GHRHR: variants seen among roughly 807,000 people sequenced by gnomAD.
GHRHR encodes the protein growth hormone releasing hormone receptor.
GHRHR carries 40 observed loss-of-function variants against 58.3 expected under a neutral mutation model. The ratio of observed to expected loss-of-function variants is 0.69; its 90% confidence interval spans 0.53 to 0.89. GHRHR has a LOEUF of 0.89. GHRHR is among the 40% of genes least tolerant of loss of function. GHRHR has a pLI of 0.00. For synonymous variants in GHRHR, 249 were observed against 216.6 expected, an observed-to-expected ratio of 1.15 and a Z score of -1.31; for missense variants, 551 against 541.3, an observed-to-expected ratio of 1.02 and a Z score of -0.18.
chr7:30,971,248 T>A, intron 5 of GHRHR, 32 bp downstream of exon 5: 1 of 933,598 alleles, frequency 1.1e-6, no homozygotes. Context: ...CTCAAGAACC[T>A]TCCTTGGCTC....
chr7:30,968,946 C>A lies in GHRHR; in HGVS notation c.160+10C>A, dbSNP rs748443344. On this transcript the variant is annotated intron_variant, in intron 2 of 12. Coordinates refer to ENST00000326139, the MANE Select transcript of GHRHR (RefSeq NM_000823.4). ...CCCAACACCACCCTGGGTATGGGGCCTAGGAGGCAGGTGGTGGCTTCTCTG... is the reference window on the plus strand; with the variant it reads ...CCCAACACCACCCTGGGTATGGGGCATAGGAGGCAGGTGGTGGCTTCTCTG... The A allele has an allele frequency of 6.3e-7, 1 of 1,598,106 alleles. No individual in the cohort carries two copies. The highest frequency in any genetic ancestry group is 2.2e-5 in the East Asian group (1 of 44,792).
chr7:30,969,235 C>A, intron 3 of GHRHR, 65 bp downstream of exon 3: 1 of 1,149,472 alleles, frequency 8.7e-7, no homozygotes, highest in Non-Finnish European at 1.3e-6. Context: ...GCAGAATCAT[C>A]ACTGGATTTG....
intron 1 of GHRHR, among the ~76,000 whole-genome samples, chr7:30,966,201 C>G (rs1002129128): frequency 1.2e-4 from 19 of 152,288 alleles, no homozygotes; most frequent in African/African-American, 4.3e-4. Flanking sequence ...TGCGGCAGAG[C>G]TCTCGGGTCT....
rs750401167 is a variant in GHRHR at position 30,979,102 on chromosome 7, C to T, written c.1147-17C>T. ...CACAGGGGGACCTTCCTAACGTCCT[C>T]TTCCTTGTCCCTGGAGGTGAGGACT... On this transcript the variant is annotated splice_polypyrimidine_tract_variant and intron_variant, in intron 12 of 12. Coordinates refer to ENST00000326139, the MANE Select transcript of GHRHR (RefSeq NM_000823.4). The T allele has an allele frequency of 1.2e-6, 2 of 1,613,234 alleles. No individual in the cohort carries two copies. Among genetic ancestry groups the T allele is most frequent in the Non-Finnish European group, 1.7e-6 (2 of 1,179,248 alleles).
At chr7:30,976,113 C>G in intron 10 of GHRHR, 2 of 579,036 alleles carry the variant, frequency 3.5e-6, no homozygotes, top group East Asian at 3.0e-5. Context: ...TCTATGGGAG[C>G]CTGGGGAGAG....
Position 30,964,204 on chromosome 7 carries a change from C to T in GHRHR, c.57+79C>T, listed in dbSNP as rs4988494. The T allele has an allele frequency of 0.14, 175,561 of 1,275,884 alleles. 15,587 individuals are homozygous for T. The highest frequency in any genetic ancestry group is 0.32 in the African/African-American group (22,060 of 68,106). The allele number at this position is 1,275,884 out of a possible 1,614,324, so 79.0% of individuals were successfully genotyped here. On this transcript the variant is annotated intron_variant, in intron 1 of 12. Transcript: ENST00000326139. ...AGCCACAGGGCCAACTGGAGCCTGG[C>T]GGAGACCCTACTGCCCTTCTCCTGC...
chr7:30,968,597 CCTCCCTCT>C (rs1201126983), intron 1 of GHRHR, among the ~76,000 whole-genome samples: 4 of 143,496 alleles, frequency 2.8e-5, no homozygotes, highest in Non-Finnish European at 4.5e-5. Context: ...ACCTTCTGTT[CCTCCCTCT>C]CTCCCTCCCT....
In GHRHR at chr7:30,976,523, C is replaced by T. The variant is rs376948691; in HGVS notation, c.1069C>T (p.Arg357Cys). Reference sequence around the variant, plus strand: ...GCCAGACAATGCTGGCCTGGGCATCCGCCTCCCCCTGGAGCTGGGACTGGG... The same window carrying T: ...GCCAGACAATGCTGGCCTGGGCATCTGCCTCCCCCTGGAGCTGGGACTGGG... ...FLPDNAGLGI[R>C]LPLELGLGSF... The change falls in exon 11 of 13, where the codon CGC becomes TGC. Residue 357 changes from arginine to cysteine, a missense_variant. Physicochemically the swap from Arg to Cys is radical, Grantham distance 180. Coordinates refer to ENST00000326139, the MANE Select transcript of GHRHR (RefSeq NM_000823.4). 2.2e-5 allele frequency: 36 copies of T among 1,613,384 alleles called. No individual in the cohort carries two copies. The highest frequency in any genetic ancestry group is 6.7e-5 in the East Asian group (3 of 44,884).
intron 5 of GHRHR, 29 bp from the exon 6 acceptor site, chr7:30,971,934 T>C (rs1407908542): frequency 3.7e-6 from 6 of 1,612,630 alleles, no homozygotes; most frequent in Non-Finnish European, 5.1e-6. Context: ...TGCTTGCTTC[T>C]TGTTCCTCAT....
chr7:30,966,702 G>A (rs1034725756), intron 1 of GHRHR, among the ~76,000 whole-genome samples: 1 of 151,918 alleles, frequency 6.6e-6, no homozygotes, highest in Non-Finnish European at 1.5e-5. Context: ...GAGTACAGTG[G>A]CACAATCTCA....
chr7:30,975,696 C>G, intron 9 of GHRHR, 81 bp from the exon 10 acceptor site: 1 of 802,320 alleles, frequency 1.2e-6, no homozygotes, highest in Non-Finnish European at 2.3e-6. Context: ...TTCTAGTCCC[C>G]AAATGGGCTG....
intron 11 of GHRHR, among the ~76,000 whole-genome samples, chr7:30,976,824 C>T (rs1562595511): frequency 6.6e-6 from 1 of 151,832 alleles, no homozygotes; most frequent in Non-Finnish European, 1.5e-5. Context: ...ACCCACCCAC[C>T]AACCCATCCA....
At chr7:30,968,615 TC>T (rs1792405610) in intron 1 of GHRHR, among the ~76,000 whole-genome samples, 2 of 46,812 alleles carry the variant, frequency 4.3e-5, no homozygotes, top group Non-Finnish European at 7.7e-5. Context: ...TCTCCCTCCC[TC>T]CCTCCCTCCC....
intron 1 of GHRHR, among the ~76,000 whole-genome samples, chr7:30,965,662 C>T (rs972973099): frequency 1.3e-5 from 2 of 152,224 alleles, no homozygotes; most frequent in Admixed American, 1.3e-4. Context: ...GGCTGCTCTC[C>T]TGGCATCCTT....
chr7:30,964,241 T>G lies in GHRHR; in HGVS notation c.57+116T>G, dbSNP rs34914935. 1,623 of 934,342 alleles carry G rather than the reference T, an allele frequency of 1.7e-3. 14 individuals carry two copies. The East Asian group carries it at 0.024, about 14-fold the overall frequency. 57.9% of individuals were successfully genotyped at this position (934,342 alleles called of 1,614,324 possible). A position where few individuals can be genotyped will look rare whatever the true frequency, so the allele number is the denominator to read the frequency against. On this transcript the variant is annotated intron_variant, in intron 1 of 12. Coordinates refer to ENST00000326139, the MANE Select transcript of GHRHR (RefSeq NM_000823.4). ...TGCCCTTCTCCTGCTCTAGAGTCCC[T>G]CCCTACGAGCAGGTGGCAGGCTGTG...
chr7:30,976,172 G>T (rs1792581072), intron 10 of GHRHR, among the ~76,000 whole-genome samples: 1 of 152,152 alleles, frequency 6.6e-6, no homozygotes, highest in African/African-American at 2.4e-5. Flanking sequence ...ACTTCCTGGA[G>T]GAAGTGGTTT....
chr7:30,973,942 AGT>A, intron 6 of GHRHR, 41 bp from the exon 7 acceptor site: 1 of 1,592,964 alleles, frequency 6.3e-7, no homozygotes. Context: ...ATGGGGCTCC[AGT>A]GGGTGTCCCA....
Position 30,971,322 on chromosome 7 carries a change from G to A in GHRHR, c.464+106G>A, listed in dbSNP as rs1455685085. ...ATAGCCATGAACTTCCCAGATCTAG[G>A]CGCCATACCCATGTCTAACTTTCCC... On this transcript the variant is annotated intron_variant, in intron 5 of 12. Coordinates refer to ENST00000326139, the MANE Select transcript of GHRHR (RefSeq NM_000823.4). The A allele has an allele frequency of 1.1e-5, 8 of 708,148 alleles. No homozygotes were observed. The African/African-American group carries it at 1.4e-4, about 12-fold the overall frequency. The allele number at this position is 708,148 out of a possible 1,614,324, so 43.9% of individuals were successfully genotyped here.
chr7:30,979,137 C>T lies in GHRHR; in HGVS notation c.1165C>T (p.Arg389Trp), dbSNP rs200508601. 46 of 1,613,632 alleles carry T rather than the reference C, an allele frequency of 2.9e-5. No individual in the cohort carries two copies. In the East Asian group the frequency reaches 6.2e-4, roughly 22 times the overall value. Residue 389 changes from arginine (R) to tryptophan (W), a missense_variant, in exon 13 of 13, where the codon CGG (arginine) becomes TGG (tryptophan). Arg to Trp is a moderately radical substitution (Grantham distance 101, BLOSUM62 -3). Transcript: ENST00000326139. Reference sequence around the variant, plus strand: ...CCTGGAGGTGAGGACTGAGATCTCACGGAAGTGGCATGGCCATGACCCTGA... The same window carrying T: ...CCTGGAGGTGAGGACTGAGATCTCATGGAAGTGGCATGGCCATGACCCTGA... Reference protein sequence around the residue: ...LNQEVRTEISRKWHGHDPELL... With the variant: ...LNQEVRTEISWKWHGHDPELL...
Sources: allele counts gnomAD v4.1 joint callset (sites outside exome capture counted in the v4.1 genomes callset), GRCh38; gene constraint gnomAD v4.1.1; transcripts MANE v1.5; gene names NCBI Gene and HGNC (gene_info 2026-07-23, HGNC 2026-07-21).